Variants in UBE2D1 observed in about 807,000 individuals in gnomAD.
UBE2D1 encodes the protein ubiquitin-conjugating enzyme E2 D1.
UBE2D1 carries 9 observed loss-of-function variants against 24.6 expected under a neutral mutation model. That is an observed-to-expected ratio of 0.37 (90% CI 0.22 to 0.64). The LOEUF (loss-of-function observed/expected upper bound fraction) is 0.64. Ranked by LOEUF, UBE2D1 falls within the 30% of genes least tolerant of loss-of-function variation. The pLI is 0.64. For missense variants in UBE2D1, 87 were observed against 177.1 expected (o/e 0.49, Z 2.89); for synonymous variants, 57 against 57.6 (o/e 0.99, Z 0.04).
chr10:58,342,000 G>A (rs983245114), intron 1 of UBE2D1, among the ~76,000 whole-genome samples: 1 of 152,196 alleles, frequency 6.6e-6, no homozygotes, highest in African/African-American at 2.4e-5. Flanking sequence ...TAGCACATGT[G>A]TCTGAAGGCA....
At chr10:58,340,113 G>A (rs976867650) in intron 1 of UBE2D1, among the ~76,000 whole-genome samples, 3 of 152,154 alleles carry the variant, frequency 2.0e-5, no homozygotes, top group Admixed American at 1.3e-4. Flanking sequence ...TCCAAATTGA[G>A]ATGTGCTGAA....
At chr10:58,341,543 T>C (rs1839961735) in intron 1 of UBE2D1, among the ~76,000 whole-genome samples, 1 of 152,186 alleles carries the variant, frequency 6.6e-6, no homozygotes, top group Non-Finnish European at 1.5e-5. Flanking sequence ...AGTTAAAAAG[T>C]TCTGAGATTT....
chr10:58,345,168 GT>G (rs1259889012), intron 1 of UBE2D1, among the ~76,000 whole-genome samples: 2 of 151,776 alleles, frequency 1.3e-5, no homozygotes, highest in Non-Finnish European at 2.9e-5. Flanking sequence ...CCCAGCCTAT[GT>G]AATAGATTTT....
At chr10:58,367,607 G>C (rs1373881590) in intron 5 of UBE2D1, among the ~76,000 whole-genome samples, 1 of 152,062 alleles carries the variant, frequency 6.6e-6, no homozygotes, top group East Asian at 1.9e-4. Context: ...TTGTTCTGTA[G>C]AGAACTCTCA....
chr10:58,337,393 T>A (rs1588995010), intron 1 of UBE2D1, among the ~76,000 whole-genome samples: 1 of 152,190 alleles, frequency 6.6e-6, no homozygotes, highest in East Asian at 1.9e-4. Flanking sequence ...CCTCCTTGAT[T>A]AGAAGCCAAT....
At chr10:58,346,394 A>G (rs914828794) in intron 1 of UBE2D1, among the ~76,000 whole-genome samples, 5 of 152,184 alleles carry the variant, frequency 3.3e-5, no homozygotes, top group African/African-American at 1.2e-4. Context: ...ATTTTGATTA[A>G]TGTCATGAAA....
chr10:58,361,238 A>T, intron 1 of UBE2D1, 100 bp from the exon 2 acceptor site: 1 of 1,210,444 alleles, frequency 8.3e-7, no homozygotes, highest in Non-Finnish European at 1.2e-6. Context: ...GAACTGCTTT[A>T]AATGTTTTTA....
At chr10:58,353,730 C>T (rs1840101326) in intron 1 of UBE2D1, among the ~76,000 whole-genome samples, 1 of 152,116 alleles carries the variant, frequency 6.6e-6, no homozygotes, top group African/African-American at 2.4e-5. Context: ...TATTTAAAAG[C>T]TCACCATAGT....
intron 5 of UBE2D1, among the ~76,000 whole-genome samples, chr10:58,365,459 A>G (rs187925449): frequency 3.9e-5 from 6 of 152,356 alleles, no homozygotes; most frequent in East Asian, 1.9e-4. Context: ...ATTTAAGATG[A>G]AAGACATTTC....
chr10:58,355,464 A>G (rs1387061217), intron 1 of UBE2D1, among the ~76,000 whole-genome samples: 1 of 152,158 alleles, frequency 6.6e-6, no homozygotes, highest in East Asian at 1.9e-4. Context: ...TAACTGTGGG[A>G]AGCAACGTAA....
chr10:58,366,326 G>A (rs1840254499), intron 5 of UBE2D1, among the ~76,000 whole-genome samples: 1 of 152,134 alleles, frequency 6.6e-6, no homozygotes, highest in East Asian at 1.9e-4. Context: ...AAGTAAAATG[G>A]GGATTCTTAT....
At chr10:58,346,984 T>C (rs1213614783) in intron 1 of UBE2D1, among the ~76,000 whole-genome samples, 1 of 152,202 alleles carries the variant, frequency 6.6e-6, no homozygotes, top group Non-Finnish European at 1.5e-5. Flanking sequence ...TACACCTTCT[T>C]GGCCTTTCAA....
At chr10:58,337,769 G>A (rs1045825425) in intron 1 of UBE2D1, among the ~76,000 whole-genome samples, 1 of 152,154 alleles carries the variant, frequency 6.6e-6, no homozygotes, top group African/African-American at 2.4e-5. Context: ...AGAAGACTGA[G>A]GACCACTGAT....
chr10:58,346,377 C>T (rs1840017512), intron 1 of UBE2D1, among the ~76,000 whole-genome samples: 1 of 152,004 alleles, frequency 6.6e-6, no homozygotes, highest in African/African-American at 2.4e-5. Flanking sequence ...TACTGTTTGT[C>T]ATTATAATTT....
intron 1 of UBE2D1, among the ~76,000 whole-genome samples, chr10:58,342,168 G>A (rs1377660256): frequency 6.6e-6 from 1 of 152,130 alleles, no homozygotes; most frequent in Admixed American, 6.5e-5. Context: ...CTTAGTATGG[G>A]GAGGAAGCTG....
chr10:58,369,217 T>C lies in UBE2D1; in HGVS notation c.*452T>C. ...TACTGTATAGACTAAATATATTCTA[T>C]TTACATGTATGTCAACTCATTACTT... On this transcript the variant is annotated 3_prime_UTR_variant, in exon 7 of 7. Coordinates refer to ENST00000373910, the MANE Select transcript of UBE2D1 (RefSeq NM_003338.5). 1 of 152,720 alleles carries C rather than the reference T, an allele frequency of 6.5e-6. No individual in the cohort carries two copies. The allele number at this position is 152,720 out of a possible 1,614,324, so 9.5% of individuals were successfully genotyped here.
intron 1 of UBE2D1, among the ~76,000 whole-genome samples, chr10:58,349,406 A>T (rs534658148): frequency 2.0e-5 from 3 of 152,278 alleles, no homozygotes; most frequent in East Asian, 3.9e-4. Context: ...TTTTGTCTCA[A>T]AGGGGAAGAA....
chr10:58,361,198 A>G, intron 1 of UBE2D1, 140 bp from the exon 2 acceptor site: 1 of 797,000 alleles, frequency 1.3e-6, no homozygotes, highest in East Asian at 2.7e-5. Context: ...TCAATGACAG[A>G]GTACAATTTA....
At chr10:58,366,806 C>G (rs1169595187) in intron 5 of UBE2D1, among the ~76,000 whole-genome samples, 4 of 151,940 alleles carry the variant, frequency 2.6e-5, no homozygotes, top group Non-Finnish European at 2.9e-5. Context: ...TGGTCTCGAA[C>G]TCCTAAGCTC....
Sources: allele counts gnomAD v4.1 joint callset (sites outside exome capture counted in the v4.1 genomes callset), GRCh38; gene constraint gnomAD v4.1.1; transcripts MANE v1.5; gene names NCBI Gene and HGNC (gene_info 2026-07-23, HGNC 2026-07-21).